Variants in ZNF8 observed in about 807,000 individuals in gnomAD.
ZNF8 encodes the protein zinc finger protein 272.
ZNF8 carries 9 observed loss-of-function variants against 12.2 expected under a neutral mutation model. The ratio of observed to expected loss-of-function variants is 0.73; its 90% CI spans 0.44 to 1.28. ZNF8 has a LOEUF of 1.28. Among genes scored for constraint, ZNF8 ranks in the 50% most tolerant of loss-of-function variants. The pLI is 0.00. For missense variants in ZNF8, 664 were observed against 729.1 expected, an observed-to-expected ratio of 0.91 and a Z score of 1.03; for synonymous variants, 274 against 282.3, an observed-to-expected ratio of 0.97 and a Z score of 0.30.
rs2051450635 is a variant in ZNF8, at chr19:58,295,716, C to T, written c.*180C>T. Reference sequence around the variant, plus strand: ...GTCCCAAATCTATCAAACTCAGTGCCCTCTTTAGCGACATATTTTGTGACA... The same window carrying T: ...GTCCCAAATCTATCAAACTCAGTGCTCTCTTTAGCGACATATTTTGTGACA... On this transcript the variant is annotated 3_prime_UTR_variant, in exon 4 of 4. Transcript: ENST00000621650. 1 of 580,208 alleles carries T rather than the reference C, an allele frequency of 1.7e-6. No homozygotes were observed. Among genetic ancestry groups the T allele is most frequent in the Non-Finnish European group, 3.0e-6 (1 of 333,382 alleles). The allele number at this position is 580,208 out of a possible 1,614,324, so 35.9% of individuals were successfully genotyped here.
chr19:58,279,007 GGT>G lies in ZNF8; in HGVS notation c.-73_-72del. 1 of 1,349,246 alleles carries G rather than the reference GGT, an allele frequency of 7.4e-7. No homozygotes were observed. Among genetic ancestry groups the G allele is most frequent in the African/African-American group, 1.5e-5 (1 of 66,482 alleles). 83.6% of individuals were successfully genotyped at this position (1,349,246 alleles called of 1,614,324 possible). A position where few individuals can be genotyped will look rare whatever the true frequency, so the allele number is the denominator to read the frequency against. ...CCATTGTCCGGCGTTCGGCGAGTCGGGTGGTCCCTTTGGCTGGAGTGCCTCTC... is the reference window on the plus strand; with the variant it reads ...CCATTGTCCGGCGTTCGGCGAGTCGGGGTCCCTTTGGCTGGAGTGCCTCTC... On this transcript the variant is annotated 5_prime_UTR_variant, in exon 1 of 4. Transcript: ENST00000621650.
chr19:58,295,603 A>G lies in ZNF8; in HGVS notation c.*67A>G, dbSNP rs762764518. On this transcript the variant is annotated 3_prime_UTR_variant, in exon 4 of 4. Coordinates refer to ENST00000621650, the MANE Select transcript of ZNF8 (RefSeq NM_021089.3). ...TGTGGTAAGTCCACATAGTGTACTC[A>G]TGGAAGGAGGGGCTGGGGGTAGAAA... is the stretch of plus-strand genomic sequence containing the variant. 51 of 1,311,580 alleles carry G rather than the reference A, an allele frequency of 3.9e-5. No individual in the cohort carries two copies. The highest frequency in any genetic ancestry group is 5.2e-5 in the Non-Finnish European group (49 of 950,152). The allele number at this position is 1,311,580 out of a possible 1,614,324, so 81.2% of individuals were successfully genotyped here. A position where few individuals can be genotyped will look rare whatever the true frequency, so the allele number is the denominator to read the frequency against.
In ZNF8 at chr19:58,297,066, A is replaced by G. The variant is rs903388573; in HGVS notation, c.*1530A>G. ...GGGCCCATGGCGAAACCCCATCTCT[A>G]CTAAAAATACACAAATTAGCCAAGT... On this transcript the variant is annotated 3_prime_UTR_variant, in exon 4 of 4. Transcript: ENST00000621650. 6.6e-6 allele frequency: 1 copy of G among 152,054 alleles called. No individual in the cohort carries two copies. Among genetic ancestry groups the G allele is most frequent in the Admixed American group, 6.6e-5 (1 of 15,264 alleles). The allele number at this position is 152,054 out of a possible 1,614,324, so 9.4% of individuals were successfully genotyped here.
chr19:58,280,670 T>C (rs1324578289), intron 1 of ZNF8: 1 of 152,268 alleles, frequency 6.6e-6, no homozygotes, highest in Non-Finnish European at 1.5e-5. Context: ...ATTTTGTGGC[T>C]TAAAACATTT....
At chr19:58,289,467 G>A (rs1351848887) in intron 3 of ZNF8, among the ~76,000 whole-genome samples, 1 of 148,958 alleles carries the variant, frequency 6.7e-6, no homozygotes, top group East Asian at 2.0e-4. Flanking sequence ...CTGCACTCCA[G>A]CCTGGGCGAC....
intron 1 of ZNF8, among the ~76,000 whole-genome samples, chr19:58,285,375 G>GT (rs1353326986): frequency 6.6e-6 from 1 of 152,174 alleles, no homozygotes; most frequent in African/African-American, 2.4e-5. Flanking sequence ...TCCTAAAACA[G>GT]TATCTGTTTT....
At chr19:58,279,879 C>CT (rs34512848) in intron 1 of ZNF8, 28,055 of 999,894 alleles carry the variant, frequency 0.028, 25 homozygotes, top group African/African-American at 0.053. Context: ...TGAAATTATA[C>CT]TTTTTTTTAT....
At chr19:58,280,096 C>A in intron 1 of ZNF8, 1 of 331,876 alleles carries the variant, frequency 3.0e-6, no homozygotes, top group Non-Finnish European at 5.8e-6. Flanking sequence ...TATTAGTTAC[C>A]TGTTGCTGTG....
intron 3 of ZNF8, among the ~76,000 whole-genome samples, chr19:58,288,397 G>T (rs539369943): frequency 6.6e-6 from 1 of 152,188 alleles, no homozygotes; most frequent in Non-Finnish European, 1.5e-5. Context: ...TGCAGCTGCA[G>T]CAGCTCCAGC....
At chr19:58,279,560 T>G (rs1280549357) in intron 1 of ZNF8, 1 of 1,528,446 alleles carries the variant, frequency 6.5e-7, no homozygotes, top group Non-Finnish European at 8.7e-7. Context: ...ATAGAGATGC[T>G]TTAACGCGTG....
At position 58,300,239 on chromosome 19, in the gene ZNF8, A is replaced by G. The variant is rs929709804; in HGVS notation, c.*4703A>G. 3.9e-5 allele frequency: 6 copies of G among 152,382 alleles called. No individual in the cohort carries two copies. Among genetic ancestry groups the G allele is most frequent in the African/African-American group, 1.4e-4 (6 of 41,594 alleles). 9.4% of individuals were successfully genotyped at this position (152,382 alleles called of 1,614,324 possible). A position where few individuals can be genotyped will look rare whatever the true frequency, so the allele number is the denominator to read the frequency against. On this transcript the variant is annotated 3_prime_UTR_variant, in exon 4 of 4. Transcript: ENST00000621650. Reference sequence around the variant, plus strand: ...ATTTGATGTCAGCACCCAGCTGACCATGGCTTAAACAGATGAGGCTTTGTT... The same window carrying G: ...ATTTGATGTCAGCACCCAGCTGACCGTGGCTTAAACAGATGAGGCTTTGTT...
rs2051443725 is a variant in ZNF8, at chr19:58,294,942, C to T, written c.1134C>T (p.Phe378=). The T allele has an allele frequency of 6.2e-7, 1 of 1,614,206 alleles. No homozygotes were observed. Among genetic ancestry groups the T allele is most frequent in the South Asian group, 1.1e-5 (1 of 91,090 alleles). Residue 378 remains phenylalanine, a synonymous_variant, in exon 4 of 4, where the codon TTC becomes TTT. Coordinates refer to ENST00000621650, the MANE Select transcript of ZNF8 (RefSeq NM_021089.3). The surrounding 1 kb of genome is among the most constrained non-coding windows in gnomAD (Gnocchi z 5.5). ...CCTGCAGTGTGTGTGGGAAATCCTTCTCTCGGACCACTTGCCTTTTCCTGC... is the reference window on the plus strand; with the variant it reads ...CCTGCAGTGTGTGTGGGAAATCCTTTTCTCGGACCACTTGCCTTTTCCTGC... The part of the protein sequence containing the change: ...PYTCSVCGKS[F]SRTTCLFLHL...
At chr19:58,288,269 T>A (rs437183) in intron 3 of ZNF8, among the ~76,000 whole-genome samples, 87,385 of 151,852 alleles carry the variant, frequency 0.58, 25,626 homozygotes, top group Middle Eastern at 0.68. Context: ...CAGCTCAAAA[T>A]AAAGAAGCAT....
Position 58,285,934 on chromosome 19 carries a change from AC to A in ZNF8, c.193+92del, listed in dbSNP as rs2051380367. ...TGTGAGGACCTGACCTTGGGTCCTCACTCCCTATGGGGAGTGCATGAAGAGG... is the reference window on the plus strand; with the variant it reads ...TGTGAGGACCTGACCTTGGGTCCTCATCCCTATGGGGAGTGCATGAAGAGG... On this transcript the variant is annotated intron_variant, in intron 2 of 3. Transcript: ENST00000621650. The A allele has an allele frequency of 2.0e-6, 3 of 1,515,922 alleles. No individual in the cohort carries two copies. In the African/African-American group the frequency reaches 4.2e-5, roughly 21 times the overall value. 93.9% of individuals were successfully genotyped at this position (1,515,922 alleles called of 1,614,324 possible). A position where few individuals can be genotyped will look rare whatever the true frequency, so the allele number is the denominator to read the frequency against.
rs950235430 is a variant in ZNF8, at chr19:58,278,971, C to A, written c.-111C>A. 9.4e-6 allele frequency: 12 copies of A among 1,279,900 alleles called. No individual in the cohort carries two copies. The highest frequency in any genetic ancestry group is 1.2e-5 in the Non-Finnish European group (12 of 985,072). The allele number at this position is 1,279,900 out of a possible 1,614,324, so 79.3% of individuals were successfully genotyped here. A position where few individuals can be genotyped will look rare whatever the true frequency, so the allele number is the denominator to read the frequency against. On this transcript the variant is annotated 5_prime_UTR_variant, in exon 1 of 4. Transcript: ENST00000621650. ...CTGGGAGTTGTAGTCGCCGCGTCGC[C>A]GGTGCGGCCGCCATTGTCCGGCGTT...
rs1018831120 is a variant in ZNF8 at position 58,278,997 on chromosome 19, C to A, written c.-85C>A. ...GGTGCGGCCGCCATTGTCCGGCGTTCGGCGAGTCGGGTGGTCCCTTTGGCT... is the reference window on the plus strand; with the variant it reads ...GGTGCGGCCGCCATTGTCCGGCGTTAGGCGAGTCGGGTGGTCCCTTTGGCT... On this transcript the variant is annotated 5_prime_UTR_variant, in exon 1 of 4. Transcript: ENST00000621650. The A allele has an allele frequency of 1.1e-5, 15 of 1,342,456 alleles. No individual in the cohort carries two copies. In the African/African-American group the frequency reaches 2.0e-4, roughly 18 times the overall value. 83.2% of individuals were successfully genotyped at this position (1,342,456 alleles called of 1,614,324 possible). A position where few individuals can be genotyped will look rare whatever the true frequency, so the allele number is the denominator to read the frequency against.
rs1206995296 is a variant in ZNF8, at chr19:58,294,830, A to G, written c.1022A>G (p.Tyr341Cys). Residue 341 changes from tyrosine to cysteine, a missense_variant, in exon 4 of 4, where the codon TAT becomes TGT. By Grantham distance (194) the Tyr-to-Cys change is radical. Coordinates refer to ENST00000621650, the MANE Select transcript of ZNF8 (RefSeq NM_021089.3). The surrounding 1 kb of genome is among the most constrained non-coding windows in gnomAD (Gnocchi z 5.5). ...AGGATTCACACTGGGGAGAAGCCCT[A>G]TGAGTGTCAGGACTGTGGGAGGGCC... ...HRRIHTGEKP[Y>C]ECQDCGRAFN... The G allele has an allele frequency of 3.7e-6, 6 of 1,613,978 alleles. No individual in the cohort carries two copies. The highest frequency in any genetic ancestry group is 4.5e-5 in the East Asian group (2 of 44,886).
intron 3 of ZNF8, among the ~76,000 whole-genome samples, chr19:58,293,759 C>T (rs959792506): frequency 9.9e-5 from 15 of 152,176 alleles, no homozygotes; most frequent in African/African-American, 3.4e-4. Flanking sequence ...CAGAACCTCC[C>T]GAAGAGAAAC....
rs573592154 is a variant in ZNF8 at position 58,293,199 on chromosome 19, A to T, written c.290-899A>T. Among the ~76,000 whole-genome samples, 12 of 152,290 alleles carry T rather than the reference A, an allele frequency of 7.9e-5. No homozygotes were observed. The South Asian group carries it at 2.5e-3, about 32-fold the overall frequency. Reference sequence around the variant, plus strand: ...AGTGATCCTCCAGCCTCGGCTTCCCAAAGTGCTAGGATTACAGGCATGAGC... The same window carrying T: ...AGTGATCCTCCAGCCTCGGCTTCCCTAAGTGCTAGGATTACAGGCATGAGC... On this transcript the variant is annotated intron_variant, in intron 3 of 3. Coordinates refer to ENST00000621650, the MANE Select transcript of ZNF8 (RefSeq NM_021089.3).
Sources: gnomAD v4.1 joint callset for allele counts (sites outside exome capture counted in the v4.1 genomes callset) on GRCh38, gnomAD v4.1.1 for gene constraint, Gnocchi (gnomAD v3.1) non-coding constraint, MANE v1.5 for transcripts, NCBI Gene and HGNC (gene_info 2026-07-23, HGNC 2026-07-21) for gene names.